The following TSPAN5 variants were observed in gnomAD, a reference collection of about 807,000 sequenced individuals.
TSPAN5 encodes tetraspanin-5.
A neutral mutation model predicts 37.1 loss-of-function variants in TSPAN5; 10 were observed. That is an observed-to-expected ratio of 0.27 (90% confidence interval 0.17 to 0.46). The LOEUF (loss-of-function observed/expected upper bound fraction) is 0.46. TSPAN5 is among the 20% of genes least tolerant of loss of function. TSPAN5 has a pLI of 1.00. For synonymous variants in TSPAN5, 110 were observed against 118.9 expected (o/e 0.93, Z 0.48); for missense variants, 195 against 326.6 (o/e 0.60, Z 3.11).
Position 98,496,110 on chromosome 4 carries a change from G to A in TSPAN5, c.133-9226C>T, listed in dbSNP as rs73832328. On this transcript the variant is annotated intron_variant, in intron 2 of 7. Transcript: ENST00000305798. ...GATTTCCCTAGTGAGAAAGGGTAAC[G>A]AGGAATGACATTTCAAAGAAAATAC... Among the ~76,000 whole-genome samples, 652 of 152,300 alleles carry A rather than the reference G, an allele frequency of 4.3e-3. 5 individuals carry two copies. The highest frequency in any genetic ancestry group is 0.015 in the African/African-American group (603 of 41,574).
At chr4:98,583,548 A>C (rs1404346165) in intron 1 of TSPAN5, among the ~76,000 whole-genome samples, 2 of 152,374 alleles carry the variant, frequency 1.3e-5, no homozygotes, top group East Asian at 1.9e-4. Flanking sequence ...TTGATGATTA[A>C]AAGGAGGAAG....
chr4:98,657,840 A>C (rs1757323336), intron 1 of TSPAN5: 1 of 328,714 alleles, frequency 3.0e-6, no homozygotes, highest in East Asian at 7.8e-5. Flanking sequence ...GTGGTTGCTC[A>C]TTTCTCAAAC....
intron 1 of TSPAN5, among the ~76,000 whole-genome samples, chr4:98,559,860 AT>A (rs941305929): frequency 6.6e-6 from 1 of 152,124 alleles, no homozygotes; most frequent in Non-Finnish European, 1.5e-5. Context: ...AGACTTAGTT[AT>A]TTTTTCCTTA....
chr4:98,501,208 T>G (rs1007466333), intron 2 of TSPAN5, among the ~76,000 whole-genome samples: 1 of 152,238 alleles, frequency 6.6e-6, no homozygotes, highest in Non-Finnish European at 1.5e-5. Context: ...TATATTTTGT[T>G]TCTAACCCCG....
intron 1 of TSPAN5, among the ~76,000 whole-genome samples, chr4:98,647,258 G>T (rs1027396400): frequency 1.3e-5 from 2 of 152,136 alleles, no homozygotes; most frequent in Non-Finnish European, 2.9e-5. Context: ...CCTTAAAAGA[G>T]AACTAACTTT....
At position 98,492,546 on chromosome 4, in the gene TSPAN5, T is replaced by C. The variant is rs191108287; in HGVS notation, c.133-5662A>G. Among the ~76,000 whole-genome samples the C allele has an allele frequency of 1.9e-3, 284 of 152,270 alleles. 3 individuals are homozygous for C. Among genetic ancestry groups the C allele is most frequent in the African/African-American group, 6.6e-3 (273 of 41,566 alleles). On this transcript the variant is annotated intron_variant, in intron 2 of 7. Coordinates refer to ENST00000305798, the MANE Select transcript of TSPAN5 (RefSeq NM_005723.4). ...GAATACACTATGCTTCAGTCCTCCA[T>C]GCACGTAAACGCACACACAGACATG...
At chr4:98,520,249 C>A (rs137992297) in intron 1 of TSPAN5, among the ~76,000 whole-genome samples, 18 of 152,316 alleles carry the variant, frequency 1.2e-4, no homozygotes, top group African/African-American at 3.6e-4. Context: ...AAGGGGCCAG[C>A]TCTACTAAGC....
chr4:98,506,070 T>A (rs534732010), intron 2 of TSPAN5, among the ~76,000 whole-genome samples: 1 of 152,274 alleles, frequency 6.6e-6, no homozygotes, highest in South Asian at 2.1e-4. Context: ...AAAGAGAAAA[T>A]TAAAAAACTT....
Position 98,644,804 on chromosome 4 carries a change from A to G in TSPAN5, c.81+13342T>C, listed in dbSNP as rs569996282. Among the ~76,000 whole-genome samples the G allele has an allele frequency of 2.2e-4, 33 of 152,238 alleles. 1 individual carries two copies. In the South Asian group the frequency reaches 6.6e-3, roughly 31 times the overall value. ...AATTTCCCAAAGCATTTTCCTTCTC[A>G]TACCTAAGATGTAACTACTCACTGG... On this transcript the variant is annotated intron_variant, in intron 1 of 7. Transcript: ENST00000305798.
intron 1 of TSPAN5, among the ~76,000 whole-genome samples, chr4:98,590,610 T>G (rs998252551): frequency 1.1e-4 from 16 of 151,262 alleles, no homozygotes; most frequent in African/African-American, 3.9e-4. Flanking sequence ...CTCAGGAGGC[T>G]GAGGCAGGAG....
chr4:98,631,851 G>A (rs1313114057), intron 1 of TSPAN5, among the ~76,000 whole-genome samples: 2 of 152,126 alleles, frequency 1.3e-5, no homozygotes, highest in Non-Finnish European at 2.9e-5. Flanking sequence ...CTGGGGACTC[G>A]GCCATAATAG....
In TSPAN5 at chr4:98,640,830, C is replaced by T. The variant is rs989972647; in HGVS notation, c.81+17316G>A. Among the ~76,000 whole-genome samples, 3 of 152,280 alleles carry T rather than the reference C, an allele frequency of 2.0e-5. 1 individual carries two copies. Among genetic ancestry groups the T allele is most frequent in the Admixed American group, 6.5e-5 (1 of 15,302 alleles). On this transcript the variant is annotated intron_variant, in intron 1 of 7. Transcript: ENST00000305798. ...ACAGTGAACCAAAAGCCCGCAACTC[C>T]CCTGAGTGGGTCACCTACTGGTCCC...
intron 1 of TSPAN5, among the ~76,000 whole-genome samples, chr4:98,603,758 T>G (rs1755939646): frequency 6.6e-6 from 1 of 152,174 alleles, no homozygotes; most frequent in Non-Finnish European, 1.5e-5. Context: ...GATGCTCATC[T>G]CCTTCACAAT....
chr4:98,526,459 C>G (rs1753965069), intron 1 of TSPAN5, among the ~76,000 whole-genome samples: 1 of 152,172 alleles, frequency 6.6e-6, no homozygotes, highest in Non-Finnish European at 1.5e-5. Flanking sequence ...AATTTCCTAA[C>G]AAATACCTCT....
intron 1 of TSPAN5, among the ~76,000 whole-genome samples, chr4:98,515,353 G>A (rs1753704966): frequency 6.6e-6 from 1 of 152,288 alleles, no homozygotes; most frequent in Middle Eastern, 3.4e-3. Flanking sequence ...CTGAGTGCTT[G>A]GCAAGTATTG....
intron 4 of TSPAN5, among the ~76,000 whole-genome samples, chr4:98,480,202 T>A (rs190173625): frequency 6.6e-6 from 1 of 152,310 alleles, no homozygotes; most frequent in East Asian, 1.9e-4. Flanking sequence ...AAATTGCACA[T>A]TTTAAAGTAT....
chr4:98,545,363 A>T (rs1189575300), intron 1 of TSPAN5, among the ~76,000 whole-genome samples: 1 of 152,242 alleles, frequency 6.6e-6, no homozygotes, highest in East Asian at 1.9e-4. Flanking sequence ...TACGTCAATC[A>T]GTAAATTCCT....
chr4:98,576,377 T>C (rs1755236594), intron 1 of TSPAN5, among the ~76,000 whole-genome samples: 1 of 152,130 alleles, frequency 6.6e-6, no homozygotes, highest in Non-Finnish European at 1.5e-5. Flanking sequence ...AAAAACATAG[T>C]TGTATATCAA....
At chr4:98,549,310 T>G (rs1299404015) in intron 1 of TSPAN5, among the ~76,000 whole-genome samples, 6,587 of 145,436 alleles carry the variant, frequency 0.045, 389 homozygotes, top group Admixed American at 0.12. Flanking sequence ...TTGTTTTTTT[T>G]TGTTTTTTTT....
Sources: gnomAD v4.1 joint callset for allele counts (sites outside exome capture counted in the v4.1 genomes callset) on GRCh38, gnomAD v4.1.1 for gene constraint, MANE v1.5 for transcripts, NCBI Gene and HGNC (gene_info 2026-07-23, HGNC 2026-07-21) for gene names.